Variants in LINGO2 observed in about 807,000 individuals in gnomAD.
LINGO2 encodes the protein leucine rich repeat and Ig domain containing 2.
In LINGO2, 14 loss-of-function variants were observed where a neutral mutation model predicts 30.6. The ratio of observed to expected loss-of-function variants is 0.46; its 90% CI spans 0.30 to 0.72. The LOEUF (loss-of-function observed/expected upper bound fraction) is 0.72. Ranked by LOEUF, LINGO2 falls within the 30% of genes least tolerant of loss-of-function variation. The pLI, the probability that LINGO2 is intolerant of heterozygous loss-of-function variation, is 0.07. For missense variants in LINGO2, 729 were observed against 751.7 expected, an observed-to-expected ratio of 0.97 and a Z score of 0.35; for synonymous variants, 317 against 288.5, an observed-to-expected ratio of 1.10 and a Z score of -1.00.
the LINGO2 span, among the ~76,000 whole-genome samples, chr9:29,179,976 A>G: frequency 6.6e-6 from 1 of 152,344 alleles, no homozygotes; most frequent in East Asian, 1.9e-4. Flanking sequence ...CAACTCAGTT[A>G]AATAGCCTTT....
chr9:28,890,559 G>A, the LINGO2 span, among the ~76,000 whole-genome samples: 2 of 152,194 alleles, frequency 1.3e-5, no homozygotes, highest in East Asian at 3.9e-4. Flanking sequence ...TCAGTTACTT[G>A]TATGGCAGAG....
chr9:28,056,060 C>T (rs931976248), intron 4 of LINGO2, among the ~76,000 whole-genome samples: 2 of 152,194 alleles, frequency 1.3e-5, no homozygotes, highest in Admixed American at 6.5e-5. Context: ...AAGGAAAGAT[C>T]CAGAGAAAAA....
chr9:29,080,065 A>G, the LINGO2 span, among the ~76,000 whole-genome samples: 1 of 152,078 alleles, frequency 6.6e-6, no homozygotes, highest in Admixed American at 6.6e-5. Context: ...CTGGGAATCC[A>G]TCTGGTCCTG....
chr9:29,172,133 T>A, the LINGO2 span, among the ~76,000 whole-genome samples: 2 of 151,908 alleles, frequency 1.3e-5, no homozygotes, highest in Admixed American at 6.6e-5. Context: ...AAAAAGTAAA[T>A]CCTATTTTTT....
chr9:27,996,108 A>G (rs1167941110), intron 5 of LINGO2, among the ~76,000 whole-genome samples: 2 of 152,170 alleles, frequency 1.3e-5, no homozygotes, highest in African/African-American at 4.8e-5. Flanking sequence ...TCCCCATTAA[A>G]ATGGCTATTA....
At chr9:28,588,598 AAAACAAACAAAC>A (rs5897309) in intron 1 of LINGO2, among the ~76,000 whole-genome samples, 2 of 150,578 alleles carry the variant, frequency 1.3e-5, no homozygotes, top group African/African-American at 4.9e-5. Flanking sequence ...AGTTCAGGTT[AAAACAAACAAAC>A]AAACAAACAA....
the LINGO2 span, among the ~76,000 whole-genome samples, chr9:28,990,635 G>A: frequency 1.1e-4 from 16 of 152,212 alleles, no homozygotes; most frequent in African/African-American, 3.9e-4. Context: ...ACCTCACACG[G>A]CCGGGTACTC....
chr9:28,590,681 G>T (rs1233436533), intron 1 of LINGO2, among the ~76,000 whole-genome samples: 2 of 152,126 alleles, frequency 1.3e-5, no homozygotes, highest in Non-Finnish European at 2.9e-5. Context: ...AGGATGTGGA[G>T]AAATAGGAAC....
chr9:28,899,577 C>T, the LINGO2 span, among the ~76,000 whole-genome samples: 1 of 152,198 alleles, frequency 6.6e-6, no homozygotes, highest in Non-Finnish European at 1.5e-5. Flanking sequence ...CAGGCCAACA[C>T]CCATGGACCC....
the LINGO2 span, among the ~76,000 whole-genome samples, chr9:29,181,687 C>T: frequency 2.0e-5 from 3 of 152,172 alleles, no homozygotes; most frequent in East Asian, 5.8e-4. Context: ...AAGAAATAGA[C>T]TTAACAAAGA....
At chr9:27,953,578 T>C (rs779621099) in intron 5 of LINGO2, among the ~76,000 whole-genome samples, 3 of 152,160 alleles carry the variant, frequency 2.0e-5, no homozygotes, top group Non-Finnish European at 4.4e-5. Context: ...GTTCTTGTGA[T>C]AATGAGAGTT....
chr9:28,049,102 A>G (rs1258700207), intron 4 of LINGO2, among the ~76,000 whole-genome samples: 1 of 150,946 alleles, frequency 6.6e-6, no homozygotes. Flanking sequence ...TTTGCACATC[A>G]CTAAGTGTAT....
chr9:27,990,355 G>A (rs1385524801), intron 5 of LINGO2, among the ~76,000 whole-genome samples: 2 of 151,750 alleles, frequency 1.3e-5, no homozygotes, highest in Non-Finnish European at 2.9e-5. Context: ...TATTTAAACA[G>A]ATAGAGGATA....
At chr9:29,053,194 GA>G in the LINGO2 span, among the ~76,000 whole-genome samples, 2,416 of 149,898 alleles carry the variant, frequency 0.016, 77 homozygotes, top group African/African-American at 0.054. Flanking sequence ...CCCTAAATGT[GA>G]AAAAAAAATG....
At chr9:28,777,605 G>C in the LINGO2 span, among the ~76,000 whole-genome samples, 105,102 of 152,108 alleles carry the variant, frequency 0.69, 39,465 homozygotes, top group East Asian at 0.9. Flanking sequence ...ATACGAGAGA[G>C]TTACAGGCAA....
At chr9:28,679,352 T>TA in the LINGO2 span, among the ~76,000 whole-genome samples, 2 of 152,184 alleles carry the variant, frequency 1.3e-5, no homozygotes, top group Non-Finnish European at 2.9e-5. Context: ...TCTAATCTTC[T>TA]AACTTTGGTT....
chr9:28,714,096 T>A, the LINGO2 span, among the ~76,000 whole-genome samples: 3 of 149,860 alleles, frequency 2.0e-5, no homozygotes, highest in African/African-American at 7.4e-5. Flanking sequence ...GAGGTGGAGG[T>A]TGCAGTGAGC....
At chr9:27,955,650 T>C (rs902353006) in intron 5 of LINGO2, among the ~76,000 whole-genome samples, 6 of 147,586 alleles carry the variant, frequency 4.1e-5, no homozygotes, top group African/African-American at 1.5e-4. Flanking sequence ...TCTTTTTTTA[T>C]GTCTGGTAGT....
the LINGO2 span, among the ~76,000 whole-genome samples, chr9:29,178,124 T>C: frequency 6.6e-6 from 1 of 151,960 alleles, no homozygotes; most frequent in Admixed American, 6.6e-5. Context: ...GGTGTGATCT[T>C]GGCTCACTGG....
Sources: gnomAD v4.1 joint callset for allele counts (sites outside exome capture counted in the v4.1 genomes callset) on GRCh38, gnomAD v4.1.1 for gene constraint, MANE v1.5 for transcripts, NCBI Gene and HGNC (gene_info 2026-07-23, HGNC 2026-07-21) for gene names.